MICALL2: variants seen among roughly 807,000 people sequenced by gnomAD.
The protein encoded by MICALL2 is MICAL-like protein 2.
MICALL2 carries 111 observed loss-of-function variants against 91.1 expected under a neutral mutation model. The observed-to-expected ratio is 1.22, with a 90% CI of 1.04 to 1.43. The LOEUF is 1.43. MICALL2 is among the 40% of genes most tolerant of loss of function. The pLI is 0.00. For missense variants in MICALL2, 1,556 were observed against 1,236.0 expected (o/e 1.26, Z -3.88); for synonymous variants, 694 against 525.3 (o/e 1.32, Z -4.39).
At chr7:1,456,437 T>A (rs1474514547) in intron 1 of MICALL2, among the ~76,000 whole-genome samples, 1 of 150,256 alleles carries the variant, frequency 6.7e-6, no homozygotes, top group Non-Finnish European at 1.5e-5. Flanking sequence ...AATATGAAAA[T>A]CGGCTGGGTG....
chr7:1,437,259 G>A lies in MICALL2; in HGVS notation c.2476+276C>T, dbSNP rs61166193. 941 of 527,874 alleles carry A rather than the reference G, an allele frequency of 1.8e-3. 3 individuals carry two copies. The highest frequency in any genetic ancestry group is 0.017 in the African/African-American group (848 of 49,408). 32.7% of individuals were successfully genotyped at this position (527,874 alleles called of 1,614,324 possible). On this transcript the variant is annotated intron_variant, in intron 14 of 16. Transcript: ENST00000297508. The stretch of plus-strand genomic sequence containing the variant: ...CTACACTAAATGCCTTGTGCGAATT[G>A]ATTCGTTTAATCCTCACAACAGCTG...
In MICALL2 at chr7:1,434,655, ACTT is replaced by A. The variant is rs1779876074; in HGVS notation, c.2653_2655del (p.Lys885del). On this transcript the variant is annotated inframe_deletion, in exon 17 of 17. Transcript: ENST00000297508. Reference sequence around the variant, plus strand: ...CAGATCTTGGACAAGCGGAACTTGGACTTCTTCCTCTGGAGGCCTAGGGGACAG... The same window carrying A: ...CAGATCTTGGACAAGCGGAACTTGGACTTCCTCTGGAGGCCTAGGGGACAG... The A allele has an allele frequency of 6.4e-7, 1 of 1,566,528 alleles. No individual in the cohort carries two copies. Among genetic ancestry groups the A allele is most frequent in the South Asian group, 1.2e-5 (1 of 84,804 alleles).
At chr7:1,450,858 A>C (rs57436807) in intron 1 of MICALL2, among the ~76,000 whole-genome samples, 2,746 of 152,258 alleles carry the variant, frequency 0.018, 81 homozygotes, top group African/African-American at 0.063. Flanking sequence ...ACTTCTGTTC[A>C]CCCTGCAGTG....
rs1018393094 is a variant in MICALL2 at position 1,439,832 on chromosome 7, G to A, written c.1966+93C>T. On this transcript the variant is annotated intron_variant, in intron 9 of 16. Coordinates refer to ENST00000297508, the MANE Select transcript of MICALL2 (RefSeq NM_182924.4). ...CGGAGCGCCTCTCCGCACACCCCAG[G>A]AGGTGGCACTACAGGTCCAGTCCCG... 14 of 1,129,190 alleles carry A rather than the reference G, an allele frequency of 1.2e-5. No individual in the cohort carries two copies. The South Asian group carries it at 2.1e-4, about 17-fold the overall frequency. 69.9% of individuals were successfully genotyped at this position (1,129,190 alleles called of 1,614,324 possible). A position where few individuals can be genotyped will look rare whatever the true frequency, so the allele number is the denominator to read the frequency against.
chr7:1,441,689 G>T (rs1310886313), intron 7 of MICALL2: 2 of 170,948 alleles, frequency 1.2e-5, no homozygotes, highest in East Asian at 1.8e-4. Flanking sequence ...CCAGCGGAGG[G>T]GACGGGGCAT....
chr7:1,440,046 CG>C lies in MICALL2; in HGVS notation c.1844del (p.Pro615ArgfsTer22), dbSNP rs752489290. 1 of 1,584,358 alleles carries C rather than the reference CG, an allele frequency of 6.3e-7. No homozygotes were observed. Among genetic ancestry groups the C allele is most frequent in the East Asian group, 2.4e-5 (1 of 42,100 alleles). On this transcript the variant is annotated frameshift_variant, in exon 9 of 17. Coordinates refer to ENST00000297508, the MANE Select transcript of MICALL2 (RefSeq NM_182924.4). LOFTEE classifies it high-confidence loss of function. ...CCTTCCTGGGGGCCTCCCCCGCCCTCGGCTCTGCCAGGGCCCGTGGTTCCTT... is the reference window on the plus strand; with the variant it reads ...CCTTCCTGGGGGCCTCCCCCGCCCTCGCTCTGCCAGGGCCCGTGGTTCCTT... ...KPKEPRALAEPRAGEAPRKVS... is the reference protein window; with the variant it reads ...KPKEPRALAEXRAGEAPRKVS...
At position 1,438,085 on chromosome 7, in the gene MICALL2, C is replaced by T. The variant is rs1043345400; in HGVS notation, c.2311+12G>A. ...GAGTCGGGCTGGCCCAGGGCCAGGC[C>T]GAGGCGCTCACCTCCCTCGGCCGCC... On this transcript the variant is annotated intron_variant, in intron 12 of 16. Transcript: ENST00000297508. 8.9e-6 allele frequency: 14 copies of T among 1,570,896 alleles called. No individual in the cohort carries two copies. Among genetic ancestry groups the T allele is most frequent in the African/African-American group, 8.1e-5 (6 of 74,158 alleles).
rs768805923 is a variant in MICALL2 at position 1,440,659 on chromosome 7, G to A, written c.1737C>T (p.Gly579=). 1 of 1,612,358 alleles carries A rather than the reference G, an allele frequency of 6.2e-7. No individual in the cohort carries two copies. The highest frequency in any genetic ancestry group is 1.7e-5 in the Admixed American group (1 of 60,016). ...TQDMSTSLQE[G]QEDGPAGWRA... ...TCCATCCTGCCGGCCCGTCCTCCTG[G>A]CCTTCCTGGAGGCTGGTGCTCATGT... Residue 579 remains glycine, a synonymous_variant, in exon 8 of 17, where the codon GGC becomes GGT. Coordinates refer to ENST00000297508, the MANE Select transcript of MICALL2 (RefSeq NM_182924.4).
chr7:1,456,700 G>A (rs765214390), intron 1 of MICALL2, among the ~76,000 whole-genome samples: 6 of 152,280 alleles, frequency 3.9e-5, no homozygotes, highest in South Asian at 2.1e-4. Context: ...GAGTCCAGGT[G>A]TTCAAGAATG....
At chr7:1,446,587 G>A (rs1426943951) in intron 5 of MICALL2, 126 bp downstream of exon 5, 7 of 612,554 alleles carry the variant, frequency 1.1e-5, no homozygotes, top group Non-Finnish European at 1.7e-5. Context: ...GGGAGGAGGG[G>A]AGAGGGGAGA....
chr7:1,450,094 C>G, intron 2 of MICALL2, 146 bp downstream of exon 2: 3 of 689,460 alleles, frequency 4.4e-6, no homozygotes, highest in Non-Finnish European at 7.8e-6. Flanking sequence ...GGACGCGTTG[C>G]CGGGCTGGTC....
chr7:1,445,095 G>A lies in MICALL2; in HGVS notation c.975C>T (p.Ser325=), dbSNP rs1780509174. The A allele has an allele frequency of 6.4e-7, 1 of 1,552,500 alleles. No individual in the cohort carries two copies. The highest frequency in any genetic ancestry group is 8.7e-7 in the Non-Finnish European group (1 of 1,148,842). ...HVRSPARPSE[S]RLAPTPTEGK... is the part of the protein sequence containing the mutation. The stretch of plus-strand genomic sequence containing the variant: ...CCTCCGTGGGAGTGGGGGCCAGGCG[G>A]CTCTCAGAGGGCCTGGCTGGGCTCC... Residue 325 remains serine (S), a synonymous_variant, in exon 6 of 17, where the codon AGC becomes AGT. Coordinates refer to ENST00000297508, the MANE Select transcript of MICALL2 (RefSeq NM_182924.4).
In MICALL2 at chr7:1,438,218, C is replaced by G. The variant is rs1009448651; in HGVS notation, c.2190G>C (p.Leu730=). 2 of 1,587,204 alleles carry G rather than the reference C, an allele frequency of 1.3e-6. No homozygotes were observed. Among genetic ancestry groups the G allele is most frequent in the Admixed American group, 3.5e-5 (2 of 56,480 alleles). ...CCTCCGGGGAGAGGTAGTCGGGGTGCAGCTGGGAACGGAGGGGCGGTGAGG... is the reference window on the plus strand; with the variant it reads ...CCTCCGGGGAGAGGTAGTCGGGGTGGAGCTGGGAACGGAGGGGCGGTGAGG... The part of the protein sequence containing the change: ...PGETVTSPVR[L]HPDYLSPEEI... Residue 730 remains leucine (L), a splice_region_variant and synonymous_variant, in exon 12 of 17, where the codon CTG becomes CTC. Transcript: ENST00000297508.
At chr7:1,447,264 C>T (rs2128523524) in intron 4 of MICALL2, among the ~76,000 whole-genome samples, 1 of 152,300 alleles carries the variant, frequency 6.6e-6, no homozygotes, top group East Asian at 1.9e-4. Flanking sequence ...CAGAGCCGGC[C>T]TTGGGTACAG....
At chr7:1,457,609 G>A (rs1024916785) in intron 1 of MICALL2, among the ~76,000 whole-genome samples, 5 of 152,216 alleles carry the variant, frequency 3.3e-5, no homozygotes, top group African/African-American at 9.7e-5. Flanking sequence ...AGCGACCACC[G>A]TGCCAGTGCA....
At position 1,434,545 on chromosome 7, in the gene MICALL2, A is replaced by C. The variant is rs1016774083; in HGVS notation, c.*51T>G. The C allele has an allele frequency of 1.1e-5, 17 of 1,514,948 alleles. No homozygotes were observed. The Admixed American group carries it at 1.8e-4, about 16-fold the overall frequency. 93.8% of individuals were successfully genotyped at this position (1,514,948 alleles called of 1,614,324 possible). A position where few individuals can be genotyped will look rare whatever the true frequency, so the allele number is the denominator to read the frequency against. ...GGTCCGGGCCAAGCCCATGGCCCCG[A>C]GTCCAAGTCCGGATGCCAGGTCCGG... On this transcript the variant is annotated 3_prime_UTR_variant, in exon 17 of 17. Transcript: ENST00000297508.
In MICALL2 at chr7:1,444,644, G is replaced by T; in HGVS notation, c.1418+8C>A. 1 of 1,606,404 alleles carries T rather than the reference G, an allele frequency of 6.2e-7. No individual in the cohort carries two copies. On this transcript the variant is annotated splice_region_variant and intron_variant, in intron 6 of 16. Transcript: ENST00000297508. ...ATACCCGGGGTCCCTCGGTCCCCAC[G>T]CGCTCACCTGCCAGGCGCCGGAGCG...
chr7:1,441,988 C>T, intron 7 of MICALL2: 1 of 648,968 alleles, frequency 1.5e-6, no homozygotes, highest in Non-Finnish European at 2.6e-6. Context: ...AACAGCATAG[C>T]CCTGAGGACA....
chr7:1,438,211 C>A lies in MICALL2; in HGVS notation c.2197G>T (p.Asp733Tyr). 1 of 1,585,208 alleles carries A rather than the reference C, an allele frequency of 6.3e-7. No individual in the cohort carries two copies. Among genetic ancestry groups the A allele is most frequent in the Non-Finnish European group, 8.6e-7 (1 of 1,165,780 alleles). ...TVTSPVRLHP[D>Y]YLSPEEIQRQ... ...TGTATCTCCTCCGGGGAGAGGTAGT[C>A]GGGGTGCAGCTGGGAACGGAGGGGC... Residue 733 changes from aspartate to tyrosine, a missense_variant, in exon 12 of 17, where the codon GAC becomes TAC. Asp to Tyr is a radical substitution (Grantham distance 160, BLOSUM62 -3). Coordinates refer to ENST00000297508, the MANE Select transcript of MICALL2 (RefSeq NM_182924.4).
Sources: allele counts gnomAD v4.1 joint callset (sites outside exome capture counted in the v4.1 genomes callset), GRCh38; gene constraint gnomAD v4.1.1; transcripts MANE v1.5; gene names NCBI Gene and HGNC (gene_info 2026-07-23, HGNC 2026-07-21).